The following MAPRE2 variants were observed in gnomAD, a reference collection of about 807,000 sequenced individuals.
MAPRE2 encodes microtubule associated protein RP/EB family member 2.
MAPRE2 carries 13 observed loss-of-function variants against 43.2 expected under a neutral mutation model. That is an observed-to-expected ratio of 0.30 (90% CI 0.20 to 0.48). MAPRE2 has a LOEUF of 0.48. MAPRE2 is among the 20% of genes least tolerant of loss of function. The probability of loss-of-function intolerance (pLI) is 0.99; values close to 1 mark genes in which losing one functional copy is unlikely to be tolerated. For synonymous variants in MAPRE2, 135 were observed against 148.8 expected (o/e 0.91, Z 0.68); for missense variants, 161 against 400.2 (o/e 0.40, Z 5.10).
At chr18:35,062,089 G>A (rs1438721876) in intron 1 of MAPRE2, among the ~76,000 whole-genome samples, 1 of 152,196 alleles carries the variant, frequency 6.6e-6, no homozygotes, top group Non-Finnish European at 1.5e-5. Context: ...GCCTTTTGTG[G>A]TGAGGACGCT....
intron 2 of MAPRE2, among the ~76,000 whole-genome samples, chr18:35,022,083 A>G (rs1031907489): frequency 2.0e-5 from 3 of 152,184 alleles, no homozygotes; most frequent in African/African-American, 7.2e-5. Context: ...TTCAACTATC[A>G]ATAAAATATA....
intron 3 of MAPRE2, among the ~76,000 whole-genome samples, 200 bp downstream of exon 3, chr18:35,097,791 G>C (rs1908494471): frequency 6.6e-6 from 1 of 152,124 alleles, no homozygotes; most frequent in African/African-American, 2.4e-5. Context: ...TAAACTTGTA[G>C]CCAGTAGACT....
chr18:35,080,732 G>T (rs1476647403), intron 2 of MAPRE2, among the ~76,000 whole-genome samples: 2 of 152,024 alleles, frequency 1.3e-5, no homozygotes, highest in East Asian at 1.9e-4. Flanking sequence ...CAAATGTTTG[G>T]GCATGTTAGA....
intron 1 of MAPRE2, among the ~76,000 whole-genome samples, chr18:34,997,465 A>C (rs1236724934): frequency 6.6e-6 from 1 of 152,194 alleles, no homozygotes; most frequent in Non-Finnish European, 1.5e-5. Context: ...GCATAAGGAG[A>C]GAAAAGCAGC....
intron 1 of MAPRE2, among the ~76,000 whole-genome samples, chr18:34,980,941 G>T (rs1006244816): frequency 7.2e-5 from 11 of 152,166 alleles, no homozygotes; most frequent in South Asian, 2.1e-4. Flanking sequence ...TAAGAAGTTG[G>T]ATGTATTTTG....
chr18:34,998,800 T>G (rs909425302), intron 1 of MAPRE2, among the ~76,000 whole-genome samples: 6 of 124,640 alleles, frequency 4.8e-5, no homozygotes, highest in African/African-American at 1.9e-4. Flanking sequence ...TTTTTTTTTT[T>G]GGACAGAGTC....
intron 1 of MAPRE2, among the ~76,000 whole-genome samples, chr18:34,987,055 GT>G (rs1280888926): frequency 2.6e-5 from 4 of 151,966 alleles, no homozygotes; most frequent in African/African-American, 9.7e-5. Context: ...ATTAACTGAA[GT>G]TTTTTTGCAC....
intron 1 of MAPRE2, among the ~76,000 whole-genome samples, chr18:34,989,090 T>A (rs1251015617): frequency 1.3e-5 from 2 of 152,184 alleles, no homozygotes; most frequent in Non-Finnish European, 2.9e-5. Context: ...TATCCTTTTG[T>A]TGTTTTAATA....
At position 35,132,028 on chromosome 18, in the gene MAPRE2, G is replaced by T. The variant is rs1910175757; in HGVS notation, c.751-4G>T. On this transcript the variant is annotated splice_polypyrimidine_tract_variant and splice_region_variant and intron_variant, in intron 5 of 6. Transcript: ENST00000300249. The stretch of plus-strand genomic sequence containing the variant: ...TTTTTTTCTTCACTCTCACTCCCTT[G>T]CAGGTACATTCATTAAAACTTGCCC... The T allele has an allele frequency of 1.2e-6, 2 of 1,613,578 alleles. No homozygotes were observed. Among genetic ancestry groups the T allele is most frequent in the East Asian group, 2.2e-5 (1 of 44,860 alleles).
At chr18:35,041,857 A>T in intron 1 of MAPRE2, 196 bp downstream of exon 1, 1 of 1,369,700 alleles carries the variant, frequency 7.3e-7, no homozygotes, top group Non-Finnish European at 9.6e-7. Flanking sequence ...CTGCAGATGG[A>T]AAGCATTTTG....
At chr18:35,097,416 C>A (rs768431860) in intron 2 of MAPRE2, 30 bp from the exon 3 acceptor site, 6 of 1,601,100 alleles carry the variant, frequency 3.7e-6, no homozygotes, top group Non-Finnish European at 5.1e-6. Flanking sequence ...CAGTGAGACT[C>A]ACTCCAGTAC....
intron 1 of MAPRE2, among the ~76,000 whole-genome samples, chr18:34,990,341 G>T (rs2097023139): frequency 1.3e-5 from 2 of 152,156 alleles, no homozygotes. Flanking sequence ...TTGAGGCTTG[G>T]TGTGAGGGTT....
chr18:35,070,470 A>G (rs1243131395), intron 2 of MAPRE2, 148 bp downstream of exon 2: 1 of 601,054 alleles, frequency 1.7e-6, no homozygotes, highest in Non-Finnish European at 2.6e-6. Context: ...ACTCAGATAT[A>G]ACTAAAGGAC....
chr18:35,141,294 G>A lies in MAPRE2; in HGVS notation c.*925G>A, dbSNP rs1910623077. ...GCCACAAAACTGTCATTCACTCTAG[G>A]GGACCCCTACTAAAGGGTAACTTCA... is the stretch of plus-strand genomic sequence containing the variant. On this transcript the variant is annotated 3_prime_UTR_variant, in exon 7 of 7. Transcript: ENST00000300249. 1 of 152,176 alleles carries A rather than the reference G, an allele frequency of 6.6e-6. No individual in the cohort carries two copies. The allele number at this position is 152,176 out of a possible 1,614,324, so 9.4% of individuals were successfully genotyped here.
At chr18:35,055,059 A>T (rs1906146754) in intron 1 of MAPRE2, among the ~76,000 whole-genome samples, 1 of 152,242 alleles carries the variant, frequency 6.6e-6, no homozygotes, top group Non-Finnish European at 1.5e-5. Flanking sequence ...ATATGAAAAA[A>T]GTTCACAAAT....
chr18:35,093,148 G>A (rs748690078), intron 2 of MAPRE2, among the ~76,000 whole-genome samples: 2 of 141,066 alleles, frequency 1.4e-5, no homozygotes, highest in Admixed American at 7.6e-5. Context: ...GGAGGTGGAC[G>A]TTGCAGTGAG....
intron 1 of MAPRE2, among the ~76,000 whole-genome samples, chr18:34,981,337 C>T (rs487845): frequency 0.013 from 1,906 of 151,398 alleles, 24 homozygotes; most frequent in African/African-American, 0.029. Flanking sequence ...AAGATTTCAC[C>T]ACTGCACTCC....
rs868866546 is a variant in MAPRE2, at chr18:35,046,675, G to A, written c.122+5014G>A. Among the ~76,000 whole-genome samples, 18 of 152,306 alleles carry A rather than the reference G, an allele frequency of 1.2e-4. No homozygotes were observed. The Middle Eastern group carries it at 0.014, about 115-fold the overall frequency. On this transcript the variant is annotated intron_variant, in intron 1 of 6. Transcript: ENST00000300249. ...GAAATGAGAGCTAAAAGGAAAACGG[G>A]ATCCCAATGCACCACTGTGTGGGTC...
intron 1 of MAPRE2, among the ~76,000 whole-genome samples, chr18:35,059,258 A>G (rs541585483): frequency 6.6e-6 from 1 of 152,216 alleles, no homozygotes; most frequent in Non-Finnish European, 1.5e-5. Flanking sequence ...CAGAGCTCTC[A>G]TTAAGCTGCA....
Sources: allele counts gnomAD v4.1 joint callset (sites outside exome capture counted in the v4.1 genomes callset), GRCh38; gene constraint gnomAD v4.1.1; transcripts MANE v1.5; gene names NCBI Gene and HGNC (gene_info 2026-07-23, HGNC 2026-07-21).